Variants in SERGEF observed in about 807,000 individuals in gnomAD.
The protein encoded by SERGEF is secretion-regulating guanine nucleotide exchange factor.
SERGEF carries 51 observed loss-of-function variants against 50.0 expected under a neutral mutation model. That is an observed-to-expected ratio of 1.02 (90% CI 0.81 to 1.29). The LOEUF (loss-of-function observed/expected upper bound fraction) is 1.29, where lower values mean the gene tolerates loss of function less well. SERGEF is among the 50% of genes most tolerant of loss of function. SERGEF has a pLI of 0.00. For synonymous variants in SERGEF, 205 were observed against 212.4 expected, an observed-to-expected ratio of 0.97 and a Z score of 0.30; for missense variants, 521 against 557.0, an observed-to-expected ratio of 0.94 and a Z score of 0.65.
At chr11:17,938,976 T>C (rs1030082406) in intron 9 of SERGEF, among the ~76,000 whole-genome samples, 2 of 152,210 alleles carry the variant, frequency 1.3e-5, no homozygotes, top group Non-Finnish European at 2.9e-5. Context: ...TTTCCTCTCA[T>C]CAGAGAACTA....
chr11:17,999,340 G>A (rs547805846), intron 5 of SERGEF, among the ~76,000 whole-genome samples: 1 of 152,172 alleles, frequency 6.6e-6, no homozygotes, highest in African/African-American at 2.4e-5. Context: ...TACCATTAGG[G>A]GAAACCGGGA....
intron 6 of SERGEF, 117 bp downstream of exon 6, chr11:17,995,679 A>C (rs1853822496): frequency 4.2e-6 from 3 of 710,344 alleles, no homozygotes; most frequent in Non-Finnish European, 7.2e-6. Flanking sequence ...CTAATAGAGA[A>C]AGTTAGAGAG....
chr11:17,900,447 T>G (rs914133317), intron 9 of SERGEF, among the ~76,000 whole-genome samples: 2 of 152,230 alleles, frequency 1.3e-5, no homozygotes, highest in African/African-American at 4.8e-5. Context: ...TGATCATCTC[T>G]TCCAACAAAA....
chr11:17,927,472 T>C (rs936295892), intron 9 of SERGEF, among the ~76,000 whole-genome samples: 3 of 152,200 alleles, frequency 2.0e-5, no homozygotes, highest in African/African-American at 4.8e-5. Context: ...CTTCTTTACA[T>C]TGCTAGATCA....
rs1043273979 is a variant in SERGEF at position 17,944,718 on chromosome 11, C to T, written c.1011+14752G>A. On this transcript the variant is annotated intron_variant, in intron 9 of 10. Transcript: ENST00000265965. ...TCAATTCTCTTCTGAGCACAGATCCCGCATGAAAAACCCGCTTCTCTCTGT... is the reference window on the plus strand; with the variant it reads ...TCAATTCTCTTCTGAGCACAGATCCTGCATGAAAAACCCGCTTCTCTCTGT... Among the ~76,000 whole-genome samples, 5 of 152,150 alleles carry T rather than the reference C, an allele frequency of 3.3e-5. No homozygotes were observed. The South Asian group carries it at 8.3e-4, about 25-fold the overall frequency.
chr11:18,004,161 G>A (rs1237852091), intron 4 of SERGEF, among the ~76,000 whole-genome samples: 2 of 152,086 alleles, frequency 1.3e-5, no homozygotes, highest in African/African-American at 4.8e-5. Flanking sequence ...ACTAATTTTA[G>A]AACTGTAAAA....
At chr11:17,946,463 T>C (rs1426762930) in intron 9 of SERGEF, among the ~76,000 whole-genome samples, 1 of 152,200 alleles carries the variant, frequency 6.6e-6, no homozygotes, top group Non-Finnish European at 1.5e-5. Flanking sequence ...TACATTGCTC[T>C]TTCCACTGCA....
chr11:17,795,431 C>T lies in SERGEF; in HGVS notation c.1049-7018G>A, dbSNP rs1849556842. ...AGGTCCTCACGTCCCTTGCCCTATCCTTTATGCTGAGGCTGCTGGCCTGGG... is the reference window on the plus strand; with the variant it reads ...AGGTCCTCACGTCCCTTGCCCTATCTTTTATGCTGAGGCTGCTGGCCTGGG... On this transcript the variant is annotated intron_variant, in intron 10 of 10. Transcript: ENST00000265965. Among the ~76,000 whole-genome samples, 3 of 152,178 alleles carry T rather than the reference C, an allele frequency of 2.0e-5. No homozygotes were observed. In the South Asian group the frequency reaches 6.2e-4, roughly 32 times the overall value.
chr11:17,807,534 C>T (rs1480160612), intron 10 of SERGEF, among the ~76,000 whole-genome samples: 2 of 152,232 alleles, frequency 1.3e-5, no homozygotes, highest in Non-Finnish European at 2.9e-5. Flanking sequence ...TTTTAGCTGG[C>T]TCAGCCAACG....
chr11:17,806,883 T>C (rs1849767741), intron 10 of SERGEF, among the ~76,000 whole-genome samples: 1 of 151,212 alleles, frequency 6.6e-6, no homozygotes, highest in South Asian at 2.1e-4. Flanking sequence ...AACTCAATTG[T>C]GTACCCCATC....
chr11:17,948,158 C>T (rs963243585), intron 9 of SERGEF, among the ~76,000 whole-genome samples: 3 of 152,026 alleles, frequency 2.0e-5, no homozygotes, highest in African/African-American at 7.3e-5. Context: ...TCATGTGATC[C>T]ACCTGCCTCA....
At chr11:17,958,697 A>C in intron 9 of SERGEF, among the ~76,000 whole-genome samples, 1 of 152,094 alleles carries the variant, frequency 6.6e-6, no homozygotes, top group East Asian at 1.9e-4. Context: ...GCCAAACTGA[A>C]CCACCAAGTA....
chr11:17,992,867 A>T, intron 7 of SERGEF, 64 bp downstream of exon 7: 1 of 1,333,452 alleles, frequency 7.5e-7, no homozygotes, highest in East Asian at 2.3e-5. Context: ...CAATATCACC[A>T]CTTCAGGCAG....
chr11:17,851,140 T>C lies in SERGEF; in HGVS notation c.1048+27068A>G, dbSNP rs140857238. On this transcript the variant is annotated intron_variant, in intron 10 of 10. Coordinates refer to ENST00000265965, the MANE Select transcript of SERGEF (RefSeq NM_012139.4). ...TTACTATGTATATATCTGTACCGTG[T>C]GCTGGCCCTGTGCTGAGGGCTTTGC... is the stretch of plus-strand genomic sequence containing the variant. Among the ~76,000 whole-genome samples the C allele has an allele frequency of 3.1e-3, 478 of 152,362 alleles. 1 individual carries two copies. Among genetic ancestry groups the C allele is most frequent in the Non-Finnish European group, 5.5e-3 (371 of 68,038 alleles).
chr11:17,810,222 G>A (rs1384134250), intron 10 of SERGEF, among the ~76,000 whole-genome samples: 1 of 152,198 alleles, frequency 6.6e-6, no homozygotes, highest in East Asian at 1.9e-4. Flanking sequence ...GGCAACAGCT[G>A]CCTGCTCTGA....
chr11:17,972,961 G>A (rs141651042), intron 8 of SERGEF, among the ~76,000 whole-genome samples: 280 of 151,448 alleles, frequency 1.8e-3, no homozygotes, highest in African/African-American at 6.6e-3. Context: ...GTTTTTGTCC[G>A]TTGCAAAATC....
At chr11:17,926,511 C>T (rs1262135862) in intron 9 of SERGEF, among the ~76,000 whole-genome samples, 1 of 152,198 alleles carries the variant, frequency 6.6e-6, no homozygotes, top group East Asian at 1.9e-4. Context: ...TGTCTTCTAT[C>T]AGGAAAGATT....
At position 17,830,601 on chromosome 11, in the gene SERGEF, G is replaced by GGA. The variant is rs71962769; in HGVS notation, c.1049-42190_1049-42189dup. On this transcript the variant is annotated intron_variant, in intron 10 of 10. Transcript: ENST00000265965. ...GAGAGATGGGGAGAGGGAGAGAGGT[G>GGA]GAGAGAGAGAGAGAGAGAGAGAGAG... Among the ~76,000 whole-genome samples, 375 of 90,912 alleles carry GGA rather than the reference G, an allele frequency of 4.1e-3. 1 individual carries two copies. The highest frequency in any genetic ancestry group is 0.011 in the African/African-American group (255 of 22,306). 59.6% of individuals were successfully genotyped at this position (90,912 alleles called of 152,430 possible). A position where few individuals can be genotyped will look rare whatever the true frequency, so the allele number is the denominator to read the frequency against.
chr11:17,898,343 C>T (rs1274858378), intron 9 of SERGEF, among the ~76,000 whole-genome samples: 2 of 152,184 alleles, frequency 1.3e-5, no homozygotes, highest in African/African-American at 4.8e-5. Flanking sequence ...CAGGAAGCTA[C>T]TGCAGTAGTC....
Sources: gnomAD v4.1 joint callset for allele counts (sites outside exome capture counted in the v4.1 genomes callset) on GRCh38, gnomAD v4.1.1 for gene constraint, MANE v1.5 for transcripts, NCBI Gene and HGNC (gene_info 2026-07-23, HGNC 2026-07-21) for gene names.